The following ITPR3 variants were observed in gnomAD, a reference collection of about 807,000 sequenced individuals.
The protein encoded by ITPR3 is inositol 1,4,5-trisphosphate-gated calcium channel ITPR3.
ITPR3 carries 173 observed loss-of-function variants against 293.2 expected under a neutral mutation model. The ratio of observed to expected loss-of-function variants is 0.59; its 90% confidence interval spans 0.52 to 0.67. ITPR3 has a LOEUF of 0.67. Among genes scored for constraint, ITPR3 ranks in the 30% least tolerant of loss-of-function variants. ITPR3 has a pLI of 0.00. For synonymous variants in ITPR3, 1,295 were observed against 1,444.4 expected (o/e 0.90, Z 2.35); for missense variants, 2,796 against 3,592.1 (o/e 0.78, Z 5.66).
rs866978917 is a variant in ITPR3 at position 33,633,738 on chromosome 6, G to A, written c.90-6746G>A. Among the ~76,000 whole-genome samples the A allele has an allele frequency of 4.8e-5, 7 of 146,240 alleles. No individual in the cohort carries two copies. The South Asian group carries it at 1.3e-3, about 26-fold the overall frequency. ...GGCTGCACGTGGGACGGCGAGTTTC[G>A]CTTCGCCGCGGGGGCGGGGGCGGGG... On this transcript the variant is annotated intron_variant, in intron 1 of 57. Transcript: ENST00000605930. This position sits in a 1 kb window ranked among gnomAD's most constrained non-coding sequence, Gnocchi z 5.2.
chr6:33,647,094 G>C (rs116647495), intron 2 of ITPR3, among the ~76,000 whole-genome samples: 2,226 of 152,090 alleles, frequency 0.015, 33 homozygotes, highest in Non-Finnish European at 0.024. Flanking sequence ...TGACACCATG[G>C]TTCACTGCAA....
At chr6:33,677,110 G>A (rs774197890) in intron 27 of ITPR3, 21 bp downstream of exon 27, 4 of 1,609,818 alleles carry the variant, frequency 2.5e-6, no homozygotes, top group Non-Finnish European at 2.5e-6. Context: ...AAGGGTCCTC[G>A]GGGTAGGGAT....
chr6:33,690,092 G>GGGGCTATAA lies in ITPR3; in HGVS notation c.6929_6937dup (p.Gly2310_Lys2312dup). 6.2e-7 allele frequency: 1 copy of GGGGCTATAA among 1,614,152 alleles called. No individual in the cohort carries two copies. Among genetic ancestry groups the GGGGCTATAA allele is most frequent in the Non-Finnish European group, 8.5e-7 (1 of 1,180,040 alleles). Reference sequence around the variant, plus strand: ...GTGGGCAACCGTGGCACCTTCATCCGGGGCTATAAGGCCATGGTCATGGAC... The same window carrying GGGGCTATAA: ...GTGGGCAACCGTGGCACCTTCATCCGGGGCTATAAGGGCTATAAGGCCATGGTCATGGAC... On this transcript the variant is annotated inframe_insertion, in exon 51 of 58. Coordinates refer to ENST00000605930, the MANE Select transcript of ITPR3 (RefSeq NM_002224.4).
rs1053999435 is a variant in ITPR3, at chr6:33,638,550, C to T, written c.90-1934C>T. ...CATGCCATTTCATCTTTATTGCTTC[C>T]GATCTATTTCAGGAACTGCATACAA... On this transcript the variant is annotated intron_variant, in intron 1 of 57. Transcript: ENST00000605930. This position sits in a 1 kb window ranked among gnomAD's most constrained non-coding sequence, Gnocchi z 4.3. Among the ~76,000 whole-genome samples the T allele has an allele frequency of 2.0e-5, 3 of 152,150 alleles. No homozygotes were observed. Among genetic ancestry groups the T allele is most frequent in the South Asian group, 2.1e-4 (1 of 4,828 alleles).
chr6:33,688,470 C>A (rs1447755788), intron 48 of ITPR3, 39 bp downstream of exon 48: 1 of 1,483,088 alleles, frequency 6.7e-7, no homozygotes, highest in Non-Finnish European at 9.0e-7. Context: ...CGGTCTGGAG[C>A]TGTTCACTGA....
chr6:33,621,436 G>A lies in ITPR3; in HGVS notation c.-167G>A. 2.1e-6 allele frequency: 1 copy of A among 470,052 alleles called. No homozygotes were observed. The highest frequency in any genetic ancestry group is 3.7e-6 in the Non-Finnish European group (1 of 268,004). 29.1% of individuals were successfully genotyped at this position (470,052 alleles called of 1,614,324 possible). A position where few individuals can be genotyped will look rare whatever the true frequency, so the allele number is the denominator to read the frequency against. Reference sequence around the variant, plus strand: ...CCCGGACCCCGGGCCCCGCCGAGCCGCCTCCTGGCTCCCGTGGCCGCCAGC... The same window carrying A: ...CCCGGACCCCGGGCCCCGCCGAGCCACCTCCTGGCTCCCGTGGCCGCCAGC... On this transcript the variant is annotated 5_prime_UTR_variant, in exon 1 of 58. Transcript: ENST00000605930. This position sits in a 1 kb window ranked among gnomAD's most constrained non-coding sequence, Gnocchi z 7.7.
intron 29 of ITPR3, 23 bp from the exon 30 acceptor site, chr6:33,678,616 C>A (rs1764978907): frequency 6.2e-7 from 1 of 1,604,298 alleles, no homozygotes; most frequent in Non-Finnish European, 8.5e-7. Context: ...AGATCTCTTT[C>A]TGACAGATGC....
rs1763749111 is a variant in ITPR3, at chr6:33,633,835, C to CGCGGG, written c.90-6641_90-6637dup. Among the ~76,000 whole-genome samples the CGCGGG allele has an allele frequency of 3.0e-5, 2 of 67,676 alleles. No individual in the cohort carries two copies. The highest frequency in any genetic ancestry group is 1.4e-4 in the Admixed American group (1 of 7,116). 44.4% of individuals were successfully genotyped at this position (67,676 alleles called of 152,430 possible). A position where few individuals can be genotyped will look rare whatever the true frequency, so the allele number is the denominator to read the frequency against. ...GGGGGCGGGGCGGGCGCGGGGCGGG[C>CGCGGG]GCGGGGCGGGGCCGGGCCGGGCCGG... On this transcript the variant is annotated intron_variant, in intron 1 of 57. Coordinates refer to ENST00000605930, the MANE Select transcript of ITPR3 (RefSeq NM_002224.4). The surrounding 1 kb of genome is among the most constrained non-coding windows in gnomAD (Gnocchi z 5.2).
Position 33,684,935 on chromosome 6 carries a change from G to A in ITPR3, c.5299G>A (p.Glu1767Lys). ...AIHLLDGGNT[E>K]IQKSFHNLMM... ...CCACCTGCTGGATGGTGGCAACACA[G>A]AGATCCAGGTGTGGGGGGCCTGGGG... Residue 1767 changes from glutamate to lysine, a missense_variant, in exon 39 of 58, where the codon GAG becomes AAG. Physicochemically the swap from Glu to Lys is moderately conservative, Grantham distance 56. Around this residue, in one of 8 missense-constraint regions of ITPR3, gnomAD observed 704 missense variants for 797.5 expected, o/e 0.88. Coordinates refer to ENST00000605930, the MANE Select transcript of ITPR3 (RefSeq NM_002224.4). This position sits in a 1 kb window ranked among gnomAD's most constrained non-coding sequence, Gnocchi z 4.2. The A allele has an allele frequency of 1.2e-6, 2 of 1,611,010 alleles. No homozygotes were observed. The highest frequency in any genetic ancestry group is 2.2e-5 in the South Asian group (2 of 90,600).
rs576381101 is a variant in ITPR3 at position 33,690,091 on chromosome 6, C to A, written c.6925C>A (p.Arg2309=). The change falls in exon 51 of 58, where the codon CGG becomes AGG. Residue 2309 remains arginine (R), a synonymous_variant. Transcript: ENST00000605930. ...CGTGGGCAACCGTGGCACCTTCATC[C>A]GGGGCTATAAGGCCATGGTCATGGA... The part of the protein sequence containing the change: ...SFVGNRGTFI[R]GYKAMVMDME... The A allele has an allele frequency of 1.9e-6, 3 of 1,614,178 alleles. No homozygotes were observed. Among genetic ancestry groups the A allele is most frequent in the Non-Finnish European group, 2.5e-6 (3 of 1,180,044 alleles).
At position 33,633,764 on chromosome 6, in the gene ITPR3, C is replaced by T. The variant is rs1202024897; in HGVS notation, c.90-6720C>T. On this transcript the variant is annotated intron_variant, in intron 1 of 57. Coordinates refer to ENST00000605930, the MANE Select transcript of ITPR3 (RefSeq NM_002224.4). This position sits in a 1 kb window ranked among gnomAD's most constrained non-coding sequence, Gnocchi z 5.2. ...CTTCGCCGCGGGGGCGGGGGCGGGG[C>T]CGGGGCCGGGGCCGGACGCCCGGAG... 7.0e-6 allele frequency among the ~76,000 whole-genome samples: 1 copy of T among 142,090 alleles called. No individual in the cohort carries two copies. The highest frequency in any genetic ancestry group is 1.6e-5 in the Non-Finnish European group (1 of 64,438). The allele number at this position is 142,090 out of a possible 152,430, so 93.2% of individuals were successfully genotyped here. A position where few individuals can be genotyped will look rare whatever the true frequency, so the allele number is the denominator to read the frequency against.
At chr6:33,660,636 T>C (rs1480675721) in intron 7 of ITPR3, among the ~76,000 whole-genome samples, 1 of 151,876 alleles carries the variant, frequency 6.6e-6, no homozygotes, top group Admixed American at 6.6e-5. Context: ...ACTTAGGAAA[T>C]GAAGCATCTT....
intron 33 of ITPR3, among the ~76,000 whole-genome samples, chr6:33,681,185 C>G (rs1172616628): frequency 9.9e-5 from 15 of 152,222 alleles, no homozygotes; most frequent in Non-Finnish European, 1.6e-4. Flanking sequence ...AAACAACAAG[C>G]ATTCGCTATC....
At position 33,638,160 on chromosome 6, in the gene ITPR3, C is replaced by T. The variant is rs1763868872; in HGVS notation, c.90-2324C>T. On this transcript the variant is annotated intron_variant, in intron 1 of 57. Transcript: ENST00000605930. The surrounding 1 kb of genome is among the most constrained non-coding windows in gnomAD (Gnocchi z 4.3). Reference sequence around the variant, plus strand: ...AGCTGGGATTACAGGCGCGCACCGCCACGCCCAGCTAATTTTTGTATTTTT... The same window carrying T: ...AGCTGGGATTACAGGCGCGCACCGCTACGCCCAGCTAATTTTTGTATTTTT... Among the ~76,000 whole-genome samples the T allele has an allele frequency of 6.6e-6, 1 of 152,122 alleles. No individual in the cohort carries two copies. Among genetic ancestry groups the T allele is most frequent in the Non-Finnish European group, 1.5e-5 (1 of 68,028 alleles).
At position 33,640,471 on chromosome 6, in the gene ITPR3, C is replaced by A. The variant is rs1424681599; in HGVS notation, c.90-13C>A. ...CTCTTCTCTCCTGCTGACCGAGCTG[C>A]TTTGTTCCCCAGGCTGGTGGATGAC... On this transcript the variant is annotated splice_polypyrimidine_tract_variant and intron_variant, in intron 1 of 57. Coordinates refer to ENST00000605930, the MANE Select transcript of ITPR3 (RefSeq NM_002224.4). The A allele has an allele frequency of 6.2e-7, 1 of 1,612,624 alleles. No individual in the cohort carries two copies. The highest frequency in any genetic ancestry group is 1.7e-5 in the Admixed American group (1 of 59,774).
At chr6:33,628,575 G>A (rs974667824) in intron 1 of ITPR3, among the ~76,000 whole-genome samples, 2 of 152,196 alleles carry the variant, frequency 1.3e-5, no homozygotes, top group African/African-American at 4.8e-5. Context: ...GAGGCTGGGC[G>A]TTCACAACAC....
rs2127302062 is a variant in ITPR3 at position 33,683,072 on chromosome 6, G to A, written c.4598-135G>A. On this transcript the variant is annotated intron_variant, in intron 34 of 57. Transcript: ENST00000605930. The surrounding 1 kb of genome is among the most constrained non-coding windows in gnomAD (Gnocchi z 4.5). ...CTCAGTCCCTCAAGCATAGGCCGGG[G>A]TGGGGGGGGTCTCTGTCTCCCAGAC... 1.9e-6 allele frequency: 1 copy of A among 540,086 alleles called. No homozygotes were observed. Among genetic ancestry groups the A allele is most frequent in the Non-Finnish European group, 2.9e-6 (1 of 348,118 alleles). 33.5% of individuals were successfully genotyped at this position (540,086 alleles called of 1,614,324 possible). A position where few individuals can be genotyped will look rare whatever the true frequency, so the allele number is the denominator to read the frequency against.
chr6:33,655,649 G>T lies in ITPR3; in HGVS notation c.161-117G>T. The T allele has an allele frequency of 1.5e-6, 2 of 1,352,618 alleles. No individual in the cohort carries two copies. Among genetic ancestry groups the T allele is most frequent in the East Asian group, 2.4e-5 (1 of 40,990 alleles). 83.8% of individuals were successfully genotyped at this position (1,352,618 alleles called of 1,614,324 possible). ...CAACCGCTTCCTCTCTACCTGCAGC[G>T]GGGAACGGGGGTGGGGAAGGGTTGG... On this transcript the variant is annotated intron_variant, in intron 2 of 57. Transcript: ENST00000605930. This position sits in a 1 kb window ranked among gnomAD's most constrained non-coding sequence, Gnocchi z 4.9.
At chr6:33,668,776 CCGCTGTGTGCCT>C in intron 17 of ITPR3, 142 bp downstream of exon 17, 2 of 1,373,466 alleles carry the variant, frequency 1.5e-6, no homozygotes, top group Non-Finnish European at 2.0e-6. Flanking sequence ...GTTATGTGCC[CCGCTGTGTGCCT>C]GGCACTGTGG....
Sources: allele counts gnomAD v4.1 joint callset (sites outside exome capture counted in the v4.1 genomes callset), GRCh38; gene constraint gnomAD v4.1.1; regional missense constraint gnomAD v4.1.1; non-coding constraint Gnocchi (gnomAD v3.1); transcripts MANE v1.5; gene names NCBI Gene and HGNC (gene_info 2026-07-23, HGNC 2026-07-21).